Variants in SRSF1 observed in about 807,000 individuals in gnomAD.
The protein encoded by SRSF1 is serine/arginine-rich splicing factor 1.
SRSF1 carries 1 observed loss-of-function variant against 25.9 expected under a neutral mutation model. That is an observed-to-expected ratio of 0.04 (90% CI 0.01 to 0.18). SRSF1 has a LOEUF of 0.18. Among genes scored for constraint, SRSF1 ranks in the 10% least tolerant of loss-of-function variants. The pLI is 1.00. For synonymous variants in SRSF1, 132 were observed against 126.2 expected (o/e 1.05, Z -0.31); for missense variants, 65 against 350.5 (o/e 0.19, Z 6.50).
intron 1 of SRSF1, 113 bp from the exon 2 acceptor site, chr17:58,006,640 G>T: frequency 7.8e-7 from 1 of 1,277,626 alleles, no homozygotes; most frequent in Non-Finnish European, 1.1e-6. Context: ...GAGCCCACAT[G>T]CGCCGCATAA....
chr17:58,001,716 C>T lies in SRSF1; in HGVS notation c.*3690G>A, dbSNP rs116877375. On this transcript the variant is annotated 3_prime_UTR_variant, in exon 4 of 4. Transcript: ENST00000258962. ...AACTTTCTTCTAATAATTGCCAATA[C>T]GGATAGAGACCTAAAGGTCCATTTT... Among the ~76,000 whole-genome samples the T allele has an allele frequency of 0.022, 3,409 of 152,218 alleles. 53 individuals carry two copies. The highest frequency in any genetic ancestry group is 0.029 in the Non-Finnish European group (1,972 of 68,016).
At chr17:57,996,718 G>C (rs1177957005), downstream of SRSF1, among the ~76,000 whole-genome samples, 1 of 152,118 alleles carries the variant, frequency 6.6e-6, no homozygotes, top group East Asian at 1.9e-4. Context: ...AAGGAATGGG[G>C]CTGCTTATGG....
the SRSF1 span, chr17:57,993,928 CT>C: frequency 4.6e-5 from 7 of 152,350 alleles, no homozygotes; most frequent in East Asian, 1.3e-3. Context: ...TCTCCTTTCA[CT>C]TTCTCCCCTT....
In SRSF1 at chr17:58,001,210, G is replaced by A. The variant is rs1418893599; in HGVS notation, c.*4196C>T. ...ACATAAGAAATCCACCTTGACCACA[G>A]AAATGTGAAAACACCAGCCCTAATG... On this transcript the variant is annotated 3_prime_UTR_variant, in exon 4 of 4. Coordinates refer to ENST00000258962, the MANE Select transcript of SRSF1 (RefSeq NM_006924.5). 6.6e-6 allele frequency among the ~76,000 whole-genome samples: 1 copy of A among 152,048 alleles called. No individual in the cohort carries two copies. Among genetic ancestry groups the A allele is most frequent in the East Asian group, 1.9e-4 (1 of 5,204 alleles).
At chr17:58,000,095 GAC>G (rs202028543), downstream of SRSF1, among the ~76,000 whole-genome samples, 17 of 151,898 alleles carry the variant, frequency 1.1e-4, no homozygotes, top group East Asian at 5.8e-4. Context: ...ACTTCTATAT[GAC>G]AGAGTCATTT....
Position 58,005,391 on chromosome 17 carries a change from G to C in SRSF1, c.*15C>G, listed in dbSNP as rs760610043. Reference sequence around the variant, plus strand: ...GTATACAACATGGGTTCTACAAAAAGTGTCACCAATCATCTTATGTACGAG... The same window carrying C: ...GTATACAACATGGGTTCTACAAAAACTGTCACCAATCATCTTATGTACGAG... On this transcript the variant is annotated 3_prime_UTR_variant, in exon 4 of 4. Coordinates refer to ENST00000258962, the MANE Select transcript of SRSF1 (RefSeq NM_006924.5). This position sits in a 1 kb window ranked among gnomAD's most constrained non-coding sequence, Gnocchi z 5.2. The C allele has an allele frequency of 2.5e-5, 41 of 1,612,028 alleles. No homozygotes were observed. In the East Asian group the frequency reaches 9.1e-4, roughly 36 times the overall value.
downstream of SRSF1, among the ~76,000 whole-genome samples, chr17:57,999,252 A>G (rs1320947581): frequency 6.6e-6 from 1 of 152,212 alleles, no homozygotes; most frequent in African/African-American, 2.4e-5. Context: ...AGCAAACTGC[A>G]GGTCTCTAAA....
At chr17:57,996,803 A>T (rs1347024121), downstream of SRSF1, among the ~76,000 whole-genome samples, 1 of 152,174 alleles carries the variant, frequency 6.6e-6, no homozygotes, top group African/African-American at 2.4e-5. Flanking sequence ...AAGCTAGCTG[A>T]TCCTATAAAC....
rs1286412993 is a variant in SRSF1 at position 58,001,458 on chromosome 17, A to T, written c.*3948T>A. ...TTTTAAAAACAAAATTCAGACCCAA[A>T]CAATCAAGAACCAGAAAATGGGTTT... On this transcript the variant is annotated 3_prime_UTR_variant, in exon 4 of 4. Transcript: ENST00000258962. 2.0e-5 allele frequency among the ~76,000 whole-genome samples: 3 copies of T among 152,212 alleles called. No individual in the cohort carries two copies. The highest frequency in any genetic ancestry group is 6.5e-5 in the Admixed American group (1 of 15,284).
At chr17:58,006,893 C>T in intron 1 of SRSF1, 51 bp downstream of exon 1, 10 of 1,599,308 alleles carry the variant, frequency 6.3e-6, no homozygotes, top group Non-Finnish European at 7.7e-6. Flanking sequence ...GGAGCCTTCC[C>T]CAACTACTCG....
chr17:57,995,262 C>CA, the SRSF1 span, among the ~76,000 whole-genome samples: 1 of 152,212 alleles, frequency 6.6e-6, no homozygotes. Flanking sequence ...AGTGTATACT[C>CA]AGCTATCAAC....
In SRSF1 at chr17:58,006,534, G is replaced by A. The variant is rs2075429107; in HGVS notation, c.195-7C>T. On this transcript the variant is annotated splice_polypyrimidine_tract_variant and splice_region_variant and intron_variant, in intron 1 of 3. Coordinates refer to ENST00000258962, the MANE Select transcript of SRSF1 (RefSeq NM_006924.5). ...CACCGCGTCTTCCGCGTCTCTGCGG[G>A]ATCGCAGAAAGTAAAAGGGATGAGA... 1 of 1,608,816 alleles carries A rather than the reference G, an allele frequency of 6.2e-7. No homozygotes were observed. The highest frequency in any genetic ancestry group is 1.3e-5 in the African/African-American group (1 of 74,774).
intron 2 of SRSF1, 40 bp downstream of exon 2, chr17:58,006,303 T>C (rs1425266412): frequency 6.4e-7 from 1 of 1,552,836 alleles, no homozygotes; most frequent in African/African-American, 1.4e-5. Context: ...TTAGGTAGTT[T>C]TCGTCCCTTC....
chr17:58,006,864 T>G (rs2075433373), intron 1 of SRSF1, 80 bp downstream of exon 1: 1 of 1,469,736 alleles, frequency 6.8e-7, no homozygotes, highest in Non-Finnish European at 9.4e-7. Context: ...CGCTTCCCCG[T>G]TCTCTATGTT....
chr17:58,006,212 A>C, intron 2 of SRSF1, 131 bp downstream of exon 2: 1 of 1,227,172 alleles, frequency 8.1e-7, no homozygotes, highest in Non-Finnish European at 1.1e-6. Flanking sequence ...TCGTTTATTA[A>C]ATTCACCCAA....
At chr17:57,991,953 T>G in the SRSF1 span, 1 of 152,246 alleles carries the variant, frequency 6.6e-6, no homozygotes, top group African/African-American at 2.4e-5. Context: ...ATTTTCCTAG[T>G]AGACACTGAA....
Position 58,002,382 on chromosome 17 carries a change from T to G in SRSF1, c.*3024A>C, listed in dbSNP as rs1337017834. Among the ~76,000 whole-genome samples the G allele has an allele frequency of 6.6e-6, 1 of 152,180 alleles. No homozygotes were observed. The highest frequency in any genetic ancestry group is 6.5e-5 in the Admixed American group (1 of 15,274). ...CCAAGATTTCTGGTTTTCCTTAGGT[T>G]TTTAATTGTCACCCAAATAATCACC... On this transcript the variant is annotated 3_prime_UTR_variant, in exon 4 of 4. Coordinates refer to ENST00000258962, the MANE Select transcript of SRSF1 (RefSeq NM_006924.5).
Position 58,001,166 on chromosome 17 carries a change from A to G in SRSF1, c.*4240T>C, listed in dbSNP as rs531662828. On this transcript the variant is annotated 3_prime_UTR_variant, in exon 4 of 4. Transcript: ENST00000258962. ...AATTTAAATTACAAAATTCATATAC[A>G]AAGTAAGCAAAAAGGCACACATAAG... 6.6e-6 allele frequency among the ~76,000 whole-genome samples: 1 copy of G among 152,300 alleles called. No homozygotes were observed. Among genetic ancestry groups the G allele is most frequent in the South Asian group, 2.1e-4 (1 of 4,824 alleles).
At chr17:58,006,593 C>G (rs2075429997) in intron 1 of SRSF1, 66 bp from the exon 2 acceptor site, 2 of 1,502,356 alleles carry the variant, frequency 1.3e-6, no homozygotes, top group East Asian at 2.4e-5. Context: ...CAGTTGGGAA[C>G]CAGCAAACCC....
Sources: gnomAD v4.1 joint callset for allele counts (sites outside exome capture counted in the v4.1 genomes callset) on GRCh38, gnomAD v4.1.1 for gene constraint, Gnocchi (gnomAD v3.1) non-coding constraint, MANE v1.5 for transcripts, NCBI Gene and HGNC (gene_info 2026-07-23, HGNC 2026-07-21) for gene names.